Variants in CAMTA1 observed in about 807,000 individuals in gnomAD.
CAMTA1 encodes calmodulin binding transcription activator 1.
CAMTA1 carries 27 observed loss-of-function variants against 170.9 expected under a neutral mutation model. The observed-to-expected ratio is 0.16, with a 90% confidence interval of 0.12 to 0.22. The LOEUF is 0.22. Among genes scored for constraint, CAMTA1 ranks in the 10% least tolerant of loss-of-function variants. CAMTA1 has a pLI of 1.00. For missense variants in CAMTA1, 1,619 were observed against 2,217.2 expected (o/e 0.73, Z 5.42); for synonymous variants, 833 against 891.5 (o/e 0.93, Z 1.17).
chr1:6,842,253 A>G (rs548113153), intron 3 of CAMTA1, among the ~76,000 whole-genome samples: 1 of 152,334 alleles, frequency 6.6e-6, no homozygotes, highest in South Asian at 2.1e-4. Flanking sequence ...CTCAAGTGGG[A>G]GAGGTGCTGG....
In CAMTA1 at chr1:7,336,398, C is replaced by G. The variant is rs1374451073; in HGVS notation, c.438+86772C>G. Among the ~76,000 whole-genome samples, 6 of 152,354 alleles carry G rather than the reference C, an allele frequency of 3.9e-5. No homozygotes were observed. The South Asian group carries it at 1.2e-3, about 32-fold the overall frequency. On this transcript the variant is annotated intron_variant, in intron 5 of 22. Transcript: ENST00000303635. ...GTCATGATTAGCATGAACTTGCAAACCCAGACCAGGCGAATTGACTTGGGG... is the reference window on the plus strand; with the variant it reads ...GTCATGATTAGCATGAACTTGCAAAGCCAGACCAGGCGAATTGACTTGGGG...
At chr1:6,913,282 C>T (rs72638534) in intron 3 of CAMTA1, among the ~76,000 whole-genome samples, 3,349 of 152,328 alleles carry the variant, frequency 0.022, 60 homozygotes, top group Non-Finnish European at 0.03. Flanking sequence ...CCCCACCCTC[C>T]GCTTGCTCTG....
In CAMTA1 at chr1:7,499,553, ATGAG is replaced by A. The variant is rs368757977; in HGVS notation, c.510+31655_510+31658del. Among the ~76,000 whole-genome samples the A allele has an allele frequency of 2.1e-4, 24 of 116,232 alleles. 2 individuals are homozygous for A. The East Asian group carries it at 2.2e-3, about 11-fold the overall frequency. The allele number at this position is 116,232 out of a possible 152,430, so 76.3% of individuals were successfully genotyped here. A position where few individuals can be genotyped will look rare whatever the true frequency, so the allele number is the denominator to read the frequency against. On this transcript the variant is annotated intron_variant, in intron 6 of 22. Transcript: ENST00000303635. The stretch of plus-strand genomic sequence containing the variant: ...AGTGTGTGTGTGTGCATGTGTGTCC[ATGAG>A]TGTGTAGAGAGGATGGTGTGAGCCT...
Position 7,418,199 on chromosome 1 carries a change from T to TTTG in CAMTA1, c.439-49618_439-49616dup, listed in dbSNP as rs1279335768. On this transcript the variant is annotated intron_variant, in intron 5 of 22. Transcript: ENST00000303635. ...CTCTTTCTGCTCTTCAACACTTCTT[T>TTTG]TTGTTGTTGTTGTTGAGATGGAGTC... Among the ~76,000 whole-genome samples the TTTG allele has an allele frequency of 2.6e-5, 4 of 152,224 alleles. 1 individual carries two copies. The highest frequency in any genetic ancestry group is 5.9e-5 in the Non-Finnish European group (4 of 68,020).
At chr1:7,378,385 A>G (rs186730287) in intron 5 of CAMTA1, among the ~76,000 whole-genome samples, 1 of 152,364 alleles carries the variant, frequency 6.6e-6, no homozygotes, top group Admixed American at 6.5e-5. Context: ...AGGAATAAAC[A>G]AAATGTGCTC....
At chr1:6,951,268 GTTCC>G (rs1369242129) in intron 3 of CAMTA1, among the ~76,000 whole-genome samples, 1 of 152,162 alleles carries the variant, frequency 6.6e-6, no homozygotes, top group Non-Finnish European at 1.5e-5. Flanking sequence ...GATGGGATTC[GTTCC>G]TTCATTCATT....
At chr1:7,516,476 G>C (rs2094288395) in intron 6 of CAMTA1, among the ~76,000 whole-genome samples, 2 of 152,212 alleles carry the variant, frequency 1.3e-5, no homozygotes, top group Admixed American at 1.3e-4. Flanking sequence ...TGCTGGCTGG[G>C]AGAAGCCTCT....
At chr1:6,863,436 T>C (rs781396487) in intron 3 of CAMTA1, among the ~76,000 whole-genome samples, 6 of 152,292 alleles carry the variant, frequency 3.9e-5, no homozygotes, top group Non-Finnish European at 5.9e-5. Flanking sequence ...GTTTGTTTCA[T>C]GAGGTCAGAG....
intron 5 of CAMTA1, among the ~76,000 whole-genome samples, chr1:7,281,043 C>G (rs1671431501): frequency 6.6e-6 from 1 of 152,184 alleles, no homozygotes; most frequent in African/African-American, 2.4e-5. Flanking sequence ...CATTGATGAA[C>G]TTTCTGCAGA....
chr1:6,893,926 A>G (rs755248187), intron 3 of CAMTA1, among the ~76,000 whole-genome samples: 1 of 152,198 alleles, frequency 6.6e-6, no homozygotes, highest in Non-Finnish European at 1.5e-5. Context: ...TACTCCAATG[A>G]TTAGTGTCTT....
intron 3 of CAMTA1, among the ~76,000 whole-genome samples, chr1:7,071,218 G>A (rs936911549): frequency 3.3e-5 from 5 of 152,168 alleles, no homozygotes; most frequent in African/African-American, 1.2e-4. Context: ...CCTTGATGGG[G>A]CCATGTCCCC....
Position 7,680,907 on chromosome 1 carries a change from C to T in CAMTA1, c.2914+3174C>T, listed in dbSNP as rs1317653388. Among the ~76,000 whole-genome samples, 13 of 151,004 alleles carry T rather than the reference C, an allele frequency of 8.6e-5. No individual in the cohort carries two copies. The highest frequency in any genetic ancestry group is 1.8e-4 in the Non-Finnish European group (12 of 67,674). On this transcript the variant is annotated intron_variant, in intron 11 of 22. Coordinates refer to ENST00000303635, the MANE Select transcript of CAMTA1 (RefSeq NM_015215.4). The surrounding 1 kb of genome is among the most constrained non-coding windows in gnomAD (Gnocchi z 4.4). Reference sequence around the variant, plus strand: ...GCTGCTGCGGCGAAGTCTTTGTCCCCGCGGCGCAGCCTTTGTCCCCGCGGC... The same window carrying T: ...GCTGCTGCGGCGAAGTCTTTGTCCCTGCGGCGCAGCCTTTGTCCCCGCGGC...
At position 6,934,268 on chromosome 1, in the gene CAMTA1, G is replaced by C. The variant is rs767211847; in HGVS notation, c.234+109058G>C. Among the ~76,000 whole-genome samples the C allele has an allele frequency of 9.9e-5, 15 of 152,198 alleles. No homozygotes were observed. The highest frequency in any genetic ancestry group is 2.0e-4 in the Admixed American group (3 of 15,280). Reference sequence around the variant, plus strand: ...GCCCAGGTGTCCTCTGAGAAATGTGGACCGGAAGGATGAGGCATGCTCCCG... The same window carrying C: ...GCCCAGGTGTCCTCTGAGAAATGTGCACCGGAAGGATGAGGCATGCTCCCG... On this transcript the variant is annotated intron_variant, in intron 3 of 22. Coordinates refer to ENST00000303635, the MANE Select transcript of CAMTA1 (RefSeq NM_015215.4). The surrounding 1 kb of genome is among the most constrained non-coding windows in gnomAD (Gnocchi z 4.5).
chr1:7,104,263 CTACA>C (rs1254013047), intron 4 of CAMTA1, among the ~76,000 whole-genome samples: 3 of 113,160 alleles, frequency 2.7e-5, no homozygotes, highest in Non-Finnish European at 5.7e-5. Flanking sequence ...ATACACACAA[CTACA>C]TACATGCACA....
In CAMTA1 at chr1:7,331,656, A is replaced by T. The variant is rs1165859818; in HGVS notation, c.438+82030A>T. 1.3e-5 allele frequency among the ~76,000 whole-genome samples: 2 copies of T among 152,020 alleles called. 1 individual carries two copies. The highest frequency in any genetic ancestry group is 4.8e-5 in the African/African-American group (2 of 41,390). ...AGAACCCCCTGGCCATGCTTTGAGA[A>T]CCTCTGCCCTTGGCACCCCCTAGAG... is the stretch of plus-strand genomic sequence containing the variant. On this transcript the variant is annotated intron_variant, in intron 5 of 22. Coordinates refer to ENST00000303635, the MANE Select transcript of CAMTA1 (RefSeq NM_015215.4).
chr1:7,052,621 C>T (rs1331420677), intron 3 of CAMTA1, among the ~76,000 whole-genome samples: 1 of 152,184 alleles, frequency 6.6e-6, no homozygotes, highest in Non-Finnish European at 1.5e-5. Flanking sequence ...CCCTCGCTCA[C>T]ATGACCAGGT....
At chr1:7,620,407 G>C (rs1576437532) in intron 6 of CAMTA1, among the ~76,000 whole-genome samples, 1 of 152,204 alleles carries the variant, frequency 6.6e-6, no homozygotes, top group African/African-American at 2.4e-5. Flanking sequence ...CTCCCATGAT[G>C]CTTTGCCCCC....
At chr1:7,753,252 A>G (rs777467465) in intron 21 of CAMTA1, among the ~76,000 whole-genome samples, 3 of 152,250 alleles carry the variant, frequency 2.0e-5, no homozygotes, top group Non-Finnish European at 4.4e-5. Flanking sequence ...AGATTTCTTT[A>G]TGAAGACTAG....
At chr1:7,245,758 C>A (rs1665663894) in intron 4 of CAMTA1, among the ~76,000 whole-genome samples, 1 of 152,120 alleles carries the variant, frequency 6.6e-6, no homozygotes, top group African/African-American at 2.4e-5. Flanking sequence ...ACACCATCAG[C>A]CTTCGTTCAG....
Sources: allele counts gnomAD v4.1 joint callset (sites outside exome capture counted in the v4.1 genomes callset), GRCh38; gene constraint gnomAD v4.1.1; non-coding constraint Gnocchi (gnomAD v3.1); transcripts MANE v1.5; gene names NCBI Gene and HGNC (gene_info 2026-07-23, HGNC 2026-07-21).